The following GATA2 variants were observed in gnomAD, a reference collection of about 807,000 sequenced individuals.
GATA2 encodes endothelial transcription factor GATA-2.
Under a neutral mutation model 35.7 loss-of-function variants are expected in GATA2, and 6 were observed. The observed-to-expected ratio is 0.17, with a 90% CI of 0.09 to 0.33. GATA2 has a LOEUF of 0.33. Ranked by LOEUF, GATA2 falls within the 10% of genes least tolerant of loss-of-function variation. The probability of loss-of-function intolerance (pLI) is 1.00; values close to 1 mark genes in which losing one functional copy is unlikely to be tolerated. For missense variants in GATA2, 541 were observed against 656.6 expected (o/e 0.82, Z 1.92); for synonymous variants, 313 against 274.9 (o/e 1.14, Z -1.37).
chr3:128,483,595 C>T (rs969451315), intron 4 of GATA2, among the ~76,000 whole-genome samples: 1 of 152,170 alleles, frequency 6.6e-6, no homozygotes, highest in African/African-American at 2.4e-5. Flanking sequence ...GAGTCCGGCC[C>T]GTGGACACTC....
intron 4 of GATA2, 54 bp from the exon 5 acceptor site, chr3:128,481,998 C>T (rs972141481): frequency 2.1e-5 from 33 of 1,599,622 alleles, no homozygotes; most frequent in Non-Finnish European, 2.7e-5. Context: ...ACCTCGACCC[C>T]CCTCCCTGAC....
At position 128,486,994 on chromosome 3, in the gene GATA2, T is replaced by C. The variant is rs1485533975; in HGVS notation, c.38A>G (p.His13Arg). Residue 13 changes from histidine (H) to arginine (R), a missense_variant, in exon 2 of 6, where the codon CAC becomes CGC. Coordinates refer to ENST00000341105, the MANE Select transcript of GATA2 (RefSeq NM_032638.5). The part of the protein sequence containing the change: ...VAPEQPRWMA[H>R]PAVLNAQHPD... ...GTGCTGCGCATTCAGCACGGCCGGG[T>C]GCGCCATCCAGCGCGGCTGCTCGGG... The C allele has an allele frequency of 6.2e-7, 1 of 1,605,926 alleles. No individual in the cohort carries two copies. The highest frequency in any genetic ancestry group is 8.5e-7 in the Non-Finnish European group (1 of 1,176,378).
chr3:128,484,075 G>A, intron 3 of GATA2, 70 bp from the exon 4 acceptor site: 1 of 1,577,214 alleles, frequency 6.3e-7, no homozygotes, highest in Non-Finnish European at 8.6e-7. Context: ...GTCCAGGGCA[G>A]GAAAGCAGCC....
Position 128,485,892 on chromosome 3 carries a change from T to G in GATA2, c.706A>C (p.Met236Leu), listed in dbSNP as rs746737860. The G allele has an allele frequency of 2.5e-6, 4 of 1,613,934 alleles. No individual in the cohort carries two copies. The Admixed American group carries it at 6.7e-5, about 27-fold the overall frequency. ...TGGTGTGTAGCAGGCTGGGTGCCCA[T>G]AGTAGCTAGGCCTGGGCGCAGGGGA... ...GSPLRPGLAT[M>L]GTQPATHHPI... The change falls in exon 3 of 6, where the codon ATG (methionine) becomes CTG (leucine). Residue 236 changes from methionine to leucine, a missense_variant. By Grantham distance (15) the Met-to-Leu change is conservative. Transcript: ENST00000341105.
At chr3:128,486,499 A>C in intron 2 of GATA2, 131 bp from the exon 3 acceptor site, 2 of 1,138,784 alleles carry the variant, frequency 1.8e-6, no homozygotes, top group East Asian at 2.6e-5. Flanking sequence ...AGAAAGCCAG[A>C]AACATAATAC....
chr3:128,481,415 G>A (rs572807144), intron 5 of GATA2, 97 bp from the exon 6 acceptor site: 187 of 1,382,346 alleles, frequency 1.4e-4, no homozygotes, highest in Admixed American at 2.5e-4. Flanking sequence ...GTCAAGCTGA[G>A]GGTCCCAGGA....
rs780435066 is a variant in GATA2, at chr3:128,486,376, C to A, written c.230-8G>T. On this transcript the variant is annotated splice_region_variant and splice_polypyrimidine_tract_variant and intron_variant, in intron 2 of 5. Coordinates refer to ENST00000341105, the MANE Select transcript of GATA2 (RefSeq NM_032638.5). The stretch of plus-strand genomic sequence containing the variant: ...GGCCTCCGGTCAGGCGGGCTGCGGG[C>A]AAAGAGAGAGAGGATCAGGGTGGGC... 1 of 1,596,720 alleles carries A rather than the reference C, an allele frequency of 6.3e-7. No homozygotes were observed. The highest frequency in any genetic ancestry group is 1.7e-5 in the Admixed American group (1 of 58,560).
At position 128,486,340 on chromosome 3, in the gene GATA2, G is replaced by C; in HGVS notation, c.258C>G (p.Arg86=). Residue 86 remains arginine (R), a synonymous_variant, in exon 3 of 6, where the codon CGC becomes CGG. Coordinates refer to ENST00000341105, the MANE Select transcript of GATA2 (RefSeq NM_032638.5). The stretch of plus-strand genomic sequence containing the variant: ...AACCCGGGCTGTGCAACAAGTGTGG[G>C]CGGCACATCTGGCCTCCGGTCAGGC... ...HARLTGGQMC[R]PHLLHSPGLP... 1 of 1,602,328 alleles carries C rather than the reference G, an allele frequency of 6.2e-7. No homozygotes were observed. Among genetic ancestry groups the C allele is most frequent in the South Asian group, 1.1e-5 (1 of 88,624 alleles).
intron 5 of GATA2, among the ~76,000 whole-genome samples, chr3:128,481,537 C>T (rs1162923080): frequency 1.3e-5 from 2 of 152,210 alleles, no homozygotes; most frequent in East Asian, 1.9e-4. Context: ...CTCTGCCCAC[C>T]GCATGCCAGC....
intron 4 of GATA2, 123 bp downstream of exon 4, chr3:128,483,737 T>G: frequency 7.4e-7 from 1 of 1,349,334 alleles, no homozygotes. Context: ...TCCCAGTGCT[T>G]TTCATGATAA....
In GATA2 at chr3:128,486,223, T is replaced by G. The variant is rs763281230; in HGVS notation, c.375A>C (p.Pro125=). The change falls in exon 3 of 6, where the codon CCA becomes CCC. Residue 125 remains proline, a synonymous_variant. Coordinates refer to ENST00000341105, the MANE Select transcript of GATA2 (RefSeq NM_032638.5). ...PWTVSPFSKT[P]LHPSAAGGPG... The stretch of plus-strand genomic sequence containing the variant: ...GGCCTCCAGCAGCTGAGGGGTGCAG[T>G]GGCGTCTTGGAGAAGGGGCTCACGG... The G allele has an allele frequency of 1.7e-5, 26 of 1,560,788 alleles. No individual in the cohort carries two copies. The Middle Eastern group carries it at 2.9e-3, about 175-fold the overall frequency.
Position 128,485,732 on chromosome 3 carries a change from C to G in GATA2, c.866G>C (p.Cys289Ser). ...TCCCCAGCACCTGCCTTTACCTGAA[C>G]AGGAACGAGCCTTGCTGCGCTGCTT... ...TPKQRSKARS[C>S]SEGRECVNCG... The change falls in exon 3 of 6, where the codon TGT becomes TCT. Residue 289 changes from cysteine to serine, a missense_variant. Physicochemically the swap from Cys to Ser is moderately radical, Grantham distance 112. Coordinates refer to ENST00000341105, the MANE Select transcript of GATA2 (RefSeq NM_032638.5). The G allele has an allele frequency of 1.2e-6, 2 of 1,613,724 alleles. No individual in the cohort carries two copies. The highest frequency in any genetic ancestry group is 1.7e-6 in the Non-Finnish European group (2 of 1,179,942).
In GATA2 at chr3:128,480,257, G is replaced by C; in HGVS notation, c.*762C>G. ...TTTACAGGGTCCACCTGACAAGACA[G>C]GCTGTGGCTTGCGCTCAGTAAGGGG... On this transcript the variant is annotated 3_prime_UTR_variant, in exon 6 of 6. Transcript: ENST00000341105. 1 of 233,376 alleles carries C rather than the reference G, an allele frequency of 4.3e-6. No individual in the cohort carries two copies. The highest frequency in any genetic ancestry group is 6.0e-5 in the East Asian group (1 of 16,598). The allele number at this position is 233,376 out of a possible 1,614,324, so 14.5% of individuals were successfully genotyped here.
rs758912342 is a variant in GATA2, at chr3:128,481,866, C to T, written c.1096G>A (p.Gly366Arg). ...CCACAGGCGTTGCAGACAGGGTCCC[C>T]GTTGGCGTTTCGGCGCCATAAGGTG... ...TTTLWRRNAN[G>R]DPVCNACGLY... The change falls in exon 5 of 6, where the codon GGG (glycine) becomes AGG (arginine). Residue 366 changes from glycine to arginine, a missense_variant. Transcript: ENST00000341105. The T allele has an allele frequency of 4.3e-6, 7 of 1,614,028 alleles. No individual in the cohort carries two copies. Among genetic ancestry groups the T allele is most frequent in the African/African-American group, 1.3e-5 (1 of 74,946 alleles).
chr3:128,484,296 G>C (rs1304465228), intron 3 of GATA2, among the ~76,000 whole-genome samples: 2 of 152,188 alleles, frequency 1.3e-5, no homozygotes, highest in Non-Finnish European at 2.9e-5. Context: ...AGGCGTTCTG[G>C]AGCAACCAGG....
At chr3:128,481,688 G>T in intron 5 of GATA2, 131 bp downstream of exon 5, 1 of 1,120,882 alleles carries the variant, frequency 8.9e-7, no homozygotes, top group South Asian at 1.5e-5. Flanking sequence ...AAGCCCTTCT[G>T]GCGCTCACTC....
Position 128,481,231 on chromosome 3 carries a change from C to T in GATA2, c.1231G>A (p.Ala411Thr). The stretch of plus-strand genomic sequence containing the variant: ...TTTGACAGCTCCTCGAAGCACTCCG[C>T]CCCTTTCTTGCTCTTCTTGGACTTG... ...SNKSKKSKKG[A>T]ECFEELSKCM... The change falls in exon 6 of 6, where the codon GCG becomes ACG. Residue 411 changes from alanine to threonine, a missense_variant. By Grantham distance (58) the Ala-to-Thr change is moderately conservative (BLOSUM62 0). Coordinates refer to ENST00000341105, the MANE Select transcript of GATA2 (RefSeq NM_032638.5). 2 of 1,614,226 alleles carry T rather than the reference C, an allele frequency of 1.2e-6. No individual in the cohort carries two copies. Among genetic ancestry groups the T allele is most frequent in the Non-Finnish European group, 8.5e-7 (1 of 1,180,048 alleles).
In GATA2 at chr3:128,485,817, TGTA is replaced by T. The variant is rs747128645; in HGVS notation, c.778_780del (p.Tyr260del). The stretch of plus-strand genomic sequence containing the variant: ...CCTCCGGGGTGGAAGAGTCCGCTGC[TGTA>T]GTCGTGGGCAGCCGCCGGCACATAG... On this transcript the variant is annotated inframe_deletion, in exon 3 of 6. Transcript: ENST00000341105. 4 of 1,613,868 alleles carry T rather than the reference TGTA, an allele frequency of 2.5e-6. No homozygotes were observed. The highest frequency in any genetic ancestry group is 3.4e-6 in the Non-Finnish European group (4 of 1,179,854).
chr3:128,487,855 G>C (rs1213600183), intron 1 of GATA2: 1 of 152,338 alleles, frequency 6.6e-6, no homozygotes, highest in Non-Finnish European at 1.5e-5. Flanking sequence ...AGTGCGCCTC[G>C]GCCTCGGGCC....
Sources: gnomAD v4.1 joint callset for allele counts (sites outside exome capture counted in the v4.1 genomes callset) on GRCh38, gnomAD v4.1.1 for gene constraint, MANE v1.5 for transcripts, NCBI Gene and HGNC (gene_info 2026-07-23, HGNC 2026-07-21) for gene names.